FBXL17: variants seen among roughly 807,000 people sequenced by gnomAD.
The protein encoded by FBXL17 is F-box and leucine rich repeat protein 17.
FBXL17 carries 22 observed loss-of-function variants against 66.2 expected under a neutral mutation model. That is an observed-to-expected ratio of 0.33 (90% CI 0.24 to 0.47). FBXL17 has a LOEUF of 0.47. FBXL17 is among the 20% of genes least tolerant of loss of function. The pLI is 1.00. For missense variants in FBXL17, 878 were observed against 948.2 expected, an observed-to-expected ratio of 0.93 and a Z score of 0.97; for synonymous variants, 474 against 400.5, an observed-to-expected ratio of 1.18 and a Z score of -2.19.
chr5:108,087,440 A>C (rs1160813273), intron 6 of FBXL17, among the ~76,000 whole-genome samples: 1 of 151,950 alleles, frequency 6.6e-6, no homozygotes, highest in Non-Finnish European at 1.5e-5. Flanking sequence ...TGTCAACCCA[A>C]AGCAGGACAC....
chr5:108,108,112 C>G (rs1749882169), intron 6 of FBXL17, among the ~76,000 whole-genome samples: 1 of 152,106 alleles, frequency 6.6e-6, no homozygotes, highest in Non-Finnish European at 1.5e-5. Flanking sequence ...GTGGCTTACT[C>G]CTTGATTTTA....
chr5:108,210,147 C>T (rs188084595), intron 5 of FBXL17, among the ~76,000 whole-genome samples: 11 of 152,224 alleles, frequency 7.2e-5, no homozygotes, highest in African/African-American at 2.6e-4. Flanking sequence ...TCTGTGGGAT[C>T]AGTGTTGATA....
At chr5:108,285,289 T>G (rs986071864) in intron 4 of FBXL17, among the ~76,000 whole-genome samples, 41 of 151,904 alleles carry the variant, frequency 2.7e-4, no homozygotes, top group African/African-American at 9.7e-4. Flanking sequence ...TCCAAGCTTC[T>G]GTTTAATGTT....
rs534911399 is a variant in FBXL17 at position 107,957,202 on chromosome 5, C to T, written c.1822+63723G>A. Among the ~76,000 whole-genome samples, 10 of 152,178 alleles carry T rather than the reference C, an allele frequency of 6.6e-5. No individual in the cohort carries two copies. In the South Asian group the frequency reaches 2.1e-3, roughly 32 times the overall value. ...AGTATATAGCTGACAGGACAAAGGGCCCCAGCTTTGTAAGTAATCCAGGTG... is the reference window on the plus strand; with the variant it reads ...AGTATATAGCTGACAGGACAAAGGGTCCCAGCTTTGTAAGTAATCCAGGTG... On this transcript the variant is annotated intron_variant, in intron 7 of 8. Coordinates refer to ENST00000542267, the MANE Select transcript of FBXL17 (RefSeq NM_001163315.3).
intron 8 of FBXL17, among the ~76,000 whole-genome samples, chr5:107,877,136 C>T (rs1748638934): frequency 6.6e-6 from 1 of 152,180 alleles, no homozygotes; most frequent in African/African-American, 2.4e-5. Context: ...CAAAACCCTC[C>T]AACATGCTTA....
At chr5:107,891,703 T>A (rs1379327376) in intron 7 of FBXL17, among the ~76,000 whole-genome samples, 1 of 152,170 alleles carries the variant, frequency 6.6e-6, no homozygotes, top group East Asian at 1.9e-4. Context: ...ACATGGAATT[T>A]TACATAGTTG....
intron 4 of FBXL17, among the ~76,000 whole-genome samples, chr5:108,272,052 A>G (rs1162033422): frequency 1.3e-5 from 2 of 152,150 alleles, no homozygotes; most frequent in African/African-American, 2.4e-5. Flanking sequence ...GCACTTTGGG[A>G]GGCCGAGATG....
chr5:108,251,576 C>T (rs1433516997), intron 4 of FBXL17, among the ~76,000 whole-genome samples: 1 of 151,980 alleles, frequency 6.6e-6, no homozygotes, highest in Non-Finnish European at 1.5e-5. Flanking sequence ...CATAAGATTT[C>T]CTGAAACTGA....
At chr5:107,862,796 T>C (rs1478083648) in intron 8 of FBXL17, among the ~76,000 whole-genome samples, 1 of 151,798 alleles carries the variant, frequency 6.6e-6, no homozygotes, top group African/African-American at 2.4e-5. Context: ...TCAGGACCAC[T>C]AGGAAAAACC....
At chr5:108,281,363 C>A (rs949304766) in intron 4 of FBXL17, among the ~76,000 whole-genome samples, 2 of 151,634 alleles carry the variant, frequency 1.3e-5, no homozygotes, top group African/African-American at 4.8e-5. Flanking sequence ...TACCAAAGGT[C>A]AAATCAATAC....
chr5:107,937,283 C>A (rs1750940187), intron 7 of FBXL17, among the ~76,000 whole-genome samples: 1 of 152,072 alleles, frequency 6.6e-6, no homozygotes, highest in Non-Finnish European at 1.5e-5. Flanking sequence ...AGCAGGGATG[C>A]AAATCAGCCC....
chr5:108,350,388 G>T (rs1747568052), intron 3 of FBXL17, among the ~76,000 whole-genome samples: 1 of 152,172 alleles, frequency 6.6e-6, no homozygotes, highest in South Asian at 2.1e-4. Flanking sequence ...GCACAATGCT[G>T]AAAATATGGG....
At chr5:107,900,077 C>T (rs989973010) in intron 7 of FBXL17, among the ~76,000 whole-genome samples, 1 of 152,092 alleles carries the variant, frequency 6.6e-6, no homozygotes, top group African/African-American at 2.4e-5. Context: ...CTTACATACA[C>T]TAAATATTTT....
intron 4 of FBXL17, among the ~76,000 whole-genome samples, chr5:108,276,954 T>G (rs529186379): frequency 6.6e-6 from 1 of 152,248 alleles, no homozygotes; most frequent in South Asian, 2.1e-4. Context: ...TTTTTTTCAT[T>G]TAATCTATAT....
intron 4 of FBXL17, among the ~76,000 whole-genome samples, chr5:108,240,040 C>G (rs1459414183): frequency 6.6e-6 from 1 of 151,970 alleles, no homozygotes; most frequent in South Asian, 2.1e-4. Context: ...GCCCTTGGGG[C>G]CTGAATAATC....
At chr5:108,043,649 T>C (rs1747134413) in intron 6 of FBXL17, among the ~76,000 whole-genome samples, 2 of 152,184 alleles carry the variant, frequency 1.3e-5, no homozygotes, top group Admixed American at 1.3e-4. Context: ...ACTCCTGAAA[T>C]TGAGTAAATG....
intron 4 of FBXL17, among the ~76,000 whole-genome samples, chr5:108,241,601 C>G (rs1755857320): frequency 6.6e-6 from 1 of 152,040 alleles, no homozygotes; most frequent in Non-Finnish European, 1.5e-5. Context: ...CAGAATTTCT[C>G]AAACCTAGAG....
chr5:108,381,630 C>G lies in FBXL17; in HGVS notation c.62G>C (p.Cys21Ser). ...NRPSQKRPRC[C>S]SWCRRRRPLL... ...AGGGCGCCGGCGGCGGCACCAACTG[C>G]AACAGCGAGGCCTCTTCTGGCTCGG... Residue 21 changes from cysteine to serine, a missense_variant, in exon 1 of 9, where the codon TGC (cysteine) becomes TCC (serine). Transcript: ENST00000542267. 1 of 1,494,950 alleles carries G rather than the reference C, an allele frequency of 6.7e-7. No individual in the cohort carries two copies. The highest frequency in any genetic ancestry group is 8.9e-7 in the Non-Finnish European group (1 of 1,127,038). The allele number at this position is 1,494,950 out of a possible 1,614,324, so 92.6% of individuals were successfully genotyped here. A position where few individuals can be genotyped will look rare whatever the true frequency, so the allele number is the denominator to read the frequency against.
intron 4 of FBXL17, among the ~76,000 whole-genome samples, chr5:108,266,811 A>G (rs961226729): frequency 6.6e-6 from 1 of 152,152 alleles, no homozygotes; most frequent in African/African-American, 2.4e-5. Context: ...GATAAGATGG[A>G]AAAGGCATTG....
Sources: gnomAD v4.1 joint callset for allele counts (sites outside exome capture counted in the v4.1 genomes callset) on GRCh38, gnomAD v4.1.1 for gene constraint, MANE v1.5 for transcripts, NCBI Gene and HGNC (gene_info 2026-07-23, HGNC 2026-07-21) for gene names.